The following KIAA2012 variants were observed in gnomAD, a reference collection of about 807,000 sequenced individuals.
KIAA2012 encodes KIAA2012.
A neutral mutation model predicts 150.6 loss-of-function variants in KIAA2012; 125 were observed. That is an observed-to-expected ratio of 0.83 (90% CI 0.72 to 0.96). The LOEUF (loss-of-function observed/expected upper bound fraction) is 0.96, where lower values mean the gene tolerates loss of function less well. Ranked by LOEUF, KIAA2012 falls within the 40% of genes least tolerant of loss-of-function variation. The pLI, the probability that KIAA2012 is intolerant of heterozygous loss-of-function variation, is 0.00. For missense variants in KIAA2012, 1,219 were observed against 1,354.9 expected (o/e 0.90, Z 1.57); for synonymous variants, 462 against 504.7 (o/e 0.92, Z 1.13).
intron 15 of KIAA2012, among the ~76,000 whole-genome samples, chr2:202,172,450 A>T (rs940536310): frequency 6.6e-6 from 1 of 152,246 alleles, no homozygotes; most frequent in Non-Finnish European, 1.5e-5. Context: ...GCCAGCATGA[A>T]TCTTGGAGGT....
Position 202,142,432 on chromosome 2 carries a change from TA to T in KIAA2012, c.1908+3925del, listed in dbSNP as rs201773699. Reference sequence around the variant, plus strand: ...TCAGTGAAGATGTCCATTGCAGCATTATCTATAACAGAGAAAATCTGGAAAC... The same window carrying T: ...TCAGTGAAGATGTCCATTGCAGCATTTCTATAACAGAGAAAATCTGGAAAC... On this transcript the variant is annotated intron_variant, in intron 13 of 23. Transcript: ENST00000498697. Among the ~76,000 whole-genome samples, 65 of 152,368 alleles carry T rather than the reference TA, an allele frequency of 4.3e-4. No individual in the cohort carries two copies. In the East Asian group the frequency reaches 0.013, roughly 29 times the overall value.
intron 5 of KIAA2012, 120 bp downstream of exon 5, chr2:202,097,697 C>A (rs761040947): frequency 1.0e-4 from 120 of 1,160,570 alleles, no homozygotes; most frequent in Non-Finnish European, 1.4e-4. Context: ...TCAAGCATTT[C>A]TCCTGCCTCA....
chr2:202,112,311 GT>G (rs1690383489), intron 10 of KIAA2012, among the ~76,000 whole-genome samples: 1 of 152,192 alleles, frequency 6.6e-6, no homozygotes, highest in African/African-American at 2.4e-5. Flanking sequence ...GCGTGTCTAG[GT>G]GGGAGGGCAG....
rs1407162952 is a variant in KIAA2012, at chr2:202,073,662, G to A, written c.35G>A (p.Gly12Glu). Residue 12 changes from glycine (G) to glutamate (E), a missense_variant, in exon 1 of 24, where the codon GGG (glycine) becomes GAG (glutamate). Coordinates refer to ENST00000498697, the MANE Select transcript of KIAA2012 (RefSeq NM_001277372.4). ...CTCTCCCTCCTGAGCCGGGGCCACG[G>A]GAAGCTGGGCCAGGACAAACAGAAG... The part of the protein sequence containing the change: ...FTLSLLSRGH[G>E]KLGQDKQKLE... The A allele has an allele frequency of 4.5e-6, 7 of 1,550,324 alleles. No homozygotes were observed. Among genetic ancestry groups the A allele is most frequent in the Admixed American group, 3.9e-5 (2 of 50,978 alleles).
intron 11 of KIAA2012, among the ~76,000 whole-genome samples, chr2:202,117,470 T>C (rs114249149): frequency 3.3e-5 from 5 of 152,236 alleles, no homozygotes; most frequent in African/African-American, 1.2e-4. Context: ...CATCTCTTAG[T>C]AGCTGTTACC....
intron 15 of KIAA2012, among the ~76,000 whole-genome samples, chr2:202,184,099 A>C (rs912985373): frequency 1.3e-5 from 2 of 152,138 alleles, no homozygotes; most frequent in South Asian, 2.1e-4. Flanking sequence ...ATTAATAGTA[A>C]TGTTGGCTGA....
At chr2:202,148,793 TG>T (rs1385239372) in intron 13 of KIAA2012, among the ~76,000 whole-genome samples, 1 of 152,100 alleles carries the variant, frequency 6.6e-6, no homozygotes, top group Non-Finnish European at 1.5e-5. Context: ...GTGAGGACTT[TG>T]GGGGTGGCCA....
At chr2:202,078,742 C>A (rs1480099575) in intron 2 of KIAA2012, among the ~76,000 whole-genome samples, 1 of 152,086 alleles carries the variant, frequency 6.6e-6, no homozygotes, top group Non-Finnish European at 1.5e-5. Context: ...TAATCCTGGG[C>A]ATAAGTACTA....
chr2:202,195,564 T>C (rs963577317), intron 21 of KIAA2012, among the ~76,000 whole-genome samples: 4 of 152,008 alleles, frequency 2.6e-5, no homozygotes, highest in African/African-American at 9.7e-5. Flanking sequence ...CTTATAGCTA[T>C]TTGAAAATAT....
chr2:202,171,634 C>G (rs936618671), intron 15 of KIAA2012, among the ~76,000 whole-genome samples: 17 of 152,228 alleles, frequency 1.1e-4, no homozygotes, highest in African/African-American at 3.6e-4. Context: ...ACGCTGGGGC[C>G]TCCTATGGAC....
At chr2:202,183,333 T>C (rs1044997532) in intron 15 of KIAA2012, among the ~76,000 whole-genome samples, 1 of 151,174 alleles carries the variant, frequency 6.6e-6, no homozygotes, top group Non-Finnish European at 1.5e-5. Flanking sequence ...GTGGGGAGGA[T>C]TGGTTGAGCC....
intron 1 of KIAA2012, 92 bp from the exon 2 acceptor site, chr2:202,074,799 C>T: frequency 7.6e-7 from 1 of 1,316,224 alleles, no homozygotes; most frequent in Non-Finnish European, 1.0e-6. Flanking sequence ...AAATCAGTAA[C>T]TAAAAAAATG....
intron 2 of KIAA2012, among the ~76,000 whole-genome samples, chr2:202,083,412 G>C (rs549956824): frequency 9.5e-4 from 122 of 128,096 alleles, no homozygotes; most frequent in Middle Eastern, 8.5e-3. Flanking sequence ...GCACTCACCT[G>C]GCAGCCCCAA....
chr2:202,167,661 C>A (rs1395569343), intron 15 of KIAA2012, among the ~76,000 whole-genome samples: 1 of 152,034 alleles, frequency 6.6e-6, no homozygotes, highest in Non-Finnish European at 1.5e-5. Context: ...CCTCCCCATG[C>A]CCTGCATCTC....
At position 202,134,798 on chromosome 2, in the gene KIAA2012, G is replaced by A. The variant is rs368747126; in HGVS notation, c.1832-3634G>A. 9.1e-4 allele frequency among the ~76,000 whole-genome samples: 139 copies of A among 152,164 alleles called. 4 individuals are homozygous for A. The highest frequency in any genetic ancestry group is 4.2e-4 in the South Asian group (2 of 4,812). On this transcript the variant is annotated intron_variant, in intron 12 of 23. Transcript: ENST00000498697. The stretch of plus-strand genomic sequence containing the variant: ...TCAAACTCCTGACCTCAAGTGATCC[G>A]CCCGCCTTGGCCTCCCAAAGTGCTG...
chr2:202,159,488 C>A (rs1294443029), intron 14 of KIAA2012, among the ~76,000 whole-genome samples: 3 of 152,018 alleles, frequency 2.0e-5, no homozygotes, highest in African/African-American at 7.2e-5. Context: ...CACTCTGATA[C>A]TAAGTGACCT....
At chr2:202,110,110 C>A (rs1381296608) in intron 10 of KIAA2012, among the ~76,000 whole-genome samples, 1 of 152,170 alleles carries the variant, frequency 6.6e-6, no homozygotes, top group African/African-American at 2.4e-5. Flanking sequence ...AGGCACACTC[C>A]AAACTGAGCC....
At chr2:202,168,222 C>T (rs557502409) in intron 15 of KIAA2012, among the ~76,000 whole-genome samples, 10 of 151,848 alleles carry the variant, frequency 6.6e-5, no homozygotes, top group South Asian at 2.1e-4. Context: ...AGATCGAGAC[C>T]GTCCTGGCCA....
At chr2:202,169,457 G>A (rs1490714402) in intron 15 of KIAA2012, among the ~76,000 whole-genome samples, 1 of 152,164 alleles carries the variant, frequency 6.6e-6, no homozygotes, top group Non-Finnish European at 1.5e-5. Flanking sequence ...CATAGACCCA[G>A]AAGCAGCCAA....
Sources: gnomAD v4.1 joint callset for allele counts (sites outside exome capture counted in the v4.1 genomes callset) on GRCh38, gnomAD v4.1.1 for gene constraint, MANE v1.5 for transcripts, NCBI Gene and HGNC (gene_info 2026-07-23, HGNC 2026-07-21) for gene names.